The following NRG1 variants were observed in gnomAD, a reference collection of about 807,000 sequenced individuals.
NRG1 encodes neuregulin 1.
NRG1 carries 18 observed loss-of-function variants against 63.8 expected under a neutral mutation model. The ratio of observed to expected loss-of-function variants is 0.28; its 90% CI spans 0.19 to 0.42. The LOEUF (loss-of-function observed/expected upper bound fraction) is 0.42. NRG1 is among the 10% of genes least tolerant of loss of function. The pLI is 1.00. For missense variants in NRG1, 762 were observed against 814.7 expected (o/e 0.94, Z 0.79); for synonymous variants, 302 against 301.3 (o/e 1.00, Z -0.02).
At chr8:32,232,054 T>C (rs7841670) in intron 1 of NRG1, among the ~76,000 whole-genome samples, 112,570 of 151,884 alleles carry the variant, frequency 0.74, 42,825 homozygotes, top group African/African-American at 0.9. Context: ...CAGATGCACA[T>C]CACCATGCCT....
intron 7 of NRG1, chr8:32,749,967 T>C (rs1165703909): frequency 5.0e-6 from 1 of 201,028 alleles, no homozygotes; most frequent in Admixed American, 5.2e-5. Context: ...GAACAAAGGC[T>C]TTTTAAATCC....
At chr8:32,436,797 T>C (rs1167874729) in intron 1 of NRG1, among the ~76,000 whole-genome samples, 5 of 152,154 alleles carry the variant, frequency 3.3e-5, no homozygotes, top group Non-Finnish European at 5.9e-5. Context: ...TAGTGCTTCA[T>C]AGTATAAAAA....
intron 1 of NRG1, among the ~76,000 whole-genome samples, chr8:32,162,112 A>C (rs1401577553): frequency 6.6e-6 from 1 of 152,246 alleles, no homozygotes; most frequent in Non-Finnish European, 1.5e-5. Flanking sequence ...ATATGTATGC[A>C]TCACTTTTCT....
intron 1 of NRG1, among the ~76,000 whole-genome samples, chr8:31,708,678 C>T (rs1004055463): frequency 6.6e-6 from 1 of 151,930 alleles, no homozygotes; most frequent in African/African-American, 2.4e-5. Context: ...ATCTCCTGAC[C>T]TCGTGATCCG....
chr8:31,854,512 A>T (rs1225817497), intron 1 of NRG1, among the ~76,000 whole-genome samples: 1 of 149,436 alleles, frequency 6.7e-6, no homozygotes, highest in African/African-American at 2.5e-5. Flanking sequence ...TTTTTTCTTT[A>T]TTAGTCTTGC....
chr8:32,756,503 C>G (rs749037886), exon 9 of NRG1: 1 of 1,612,094 alleles, frequency 6.2e-7, no homozygotes, highest in African/African-American at 1.3e-5. Flanking sequence ...TCCTAACCCA[C>G]CCCCCGAGAA....
intron 1 of NRG1, among the ~76,000 whole-genome samples, chr8:32,449,595 T>C (rs553578551): frequency 1.3e-5 from 2 of 152,314 alleles, no homozygotes; most frequent in South Asian, 4.1e-4. Context: ...GTACCTGTTA[T>C]ATGCCAGGCA....
chr8:31,959,756 C>T (rs1805092144), intron 1 of NRG1, among the ~76,000 whole-genome samples: 2 of 151,188 alleles, frequency 1.3e-5, no homozygotes, highest in South Asian at 2.1e-4. Flanking sequence ...CCATCCCTTC[C>T]CTGGAACCCC....
intron 1 of NRG1, among the ~76,000 whole-genome samples, chr8:31,848,504 G>A (rs954930261): frequency 6.6e-6 from 1 of 150,926 alleles, no homozygotes; most frequent in African/African-American, 2.4e-5. Flanking sequence ...CACAACCCCT[G>A]GGCCATGGAC....
intron 1 of NRG1, among the ~76,000 whole-genome samples, chr8:32,579,195 C>CTTTTTTTTTT (rs71208196): frequency 3.0e-4 from 32 of 105,412 alleles, no homozygotes; most frequent in South Asian, 3.6e-4. Flanking sequence ...TTTCTTCTGT[C>CTTTTTTTTTT]TTTTTTTTTT....
At chr8:31,650,748 G>A (rs1804756276) in intron 1 of NRG1, among the ~76,000 whole-genome samples, 1 of 146,604 alleles carries the variant, frequency 6.8e-6, no homozygotes, top group African/African-American at 2.6e-5. Context: ...TGTGTGTCTT[G>A]CCTCACTGGC....
chr8:31,750,191 C>T (rs62508560), intron 1 of NRG1, among the ~76,000 whole-genome samples: 31,000 of 151,656 alleles, frequency 0.2, 3,639 homozygotes, highest in Non-Finnish European at 0.26. Context: ...GAATGTAATT[C>T]GTAAGACTGT....
chr8:32,650,186 G>C lies in NRG1; in HGVS notation c.502+33301G>C, dbSNP rs189337016. On this transcript the variant is annotated intron_variant, in intron 5 of 11. Coordinates refer to ENST00000356819, the Ensembl canonical transcript of NRG1. ...TTTATAAAGTAAATTTTTCTACTAAGTGTTTTAGTAGATTACATATTCCTT... is the reference window on the plus strand; with the variant it reads ...TTTATAAAGTAAATTTTTCTACTAACTGTTTTAGTAGATTACATATTCCTT... Among the ~76,000 whole-genome samples, 1,182 of 152,202 alleles carry C rather than the reference G, an allele frequency of 7.8e-3. 4 individuals carry two copies. Among genetic ancestry groups the C allele is most frequent in the Middle Eastern group, 0.024 (7 of 294 alleles).
chr8:32,266,879 C>CAAAAAAAAA (rs60715824), intron 1 of NRG1, among the ~76,000 whole-genome samples: 1 of 112,828 alleles, frequency 8.9e-6, no homozygotes, highest in Non-Finnish European at 1.9e-5. Flanking sequence ...ACTAAAAATA[C>CAAAAAAAAA]AAAAAAAAAA....
chr8:32,283,338 GAT>G, intron 1 of NRG1, among the ~76,000 whole-genome samples: 1 of 152,050 alleles, frequency 6.6e-6, no homozygotes, highest in East Asian at 1.9e-4. Flanking sequence ...ATGCATTACT[GAT>G]ATGACTTCTA....
intron 1 of NRG1, among the ~76,000 whole-genome samples, chr8:32,242,473 CAAAAAGA>C (rs960015965): frequency 6.6e-6 from 1 of 151,622 alleles, no homozygotes; most frequent in Non-Finnish European, 1.5e-5. Flanking sequence ...GACTCCATCT[CAAAAAGA>C]AAAAAGAAAA....
At chr8:32,212,760 T>C (rs1377933816) in intron 1 of NRG1, among the ~76,000 whole-genome samples, 1 of 152,166 alleles carries the variant, frequency 6.6e-6, no homozygotes, top group African/African-American at 2.4e-5. Flanking sequence ...ATTCCAGCAA[T>C]AAACCTTATT....
chr8:32,065,971 G>A (rs964059141), intron 1 of NRG1, among the ~76,000 whole-genome samples: 5 of 152,272 alleles, frequency 3.3e-5, no homozygotes, highest in East Asian at 1.9e-4. Flanking sequence ...TCTTTTGGCC[G>A]CATAAATGTC....
chr8:32,482,761 T>A (rs1218630135), intron 1 of NRG1, among the ~76,000 whole-genome samples: 1 of 151,756 alleles, frequency 6.6e-6, no homozygotes. Context: ...CTCTTTCGAG[T>A]GTTGAATCAG....
Sources: gnomAD v4.1 joint callset for allele counts (sites outside exome capture counted in the v4.1 genomes callset) on GRCh38, gnomAD v4.1.1 for gene constraint, MANE v1.5 for transcripts, NCBI Gene and HGNC (gene_info 2026-07-23, HGNC 2026-07-21) for gene names.